Variants in FOXP1 observed in about 807,000 individuals in gnomAD.
FOXP1 encodes forkhead box protein P1.
Under a neutral mutation model 98.2 loss-of-function variants are expected in FOXP1, and 15 were observed. The ratio of observed to expected loss-of-function variants is 0.15; its 90% CI spans 0.10 to 0.24. The LOEUF (loss-of-function observed/expected upper bound fraction) is 0.24. FOXP1 is among the 10% of genes least tolerant of loss of function. The pLI, the probability that FOXP1 is intolerant of heterozygous loss-of-function variation, is 1.00. For synonymous variants in FOXP1, 371 were observed against 314.5 expected (o/e 1.18, Z -1.90); for missense variants, 633 against 848.5 (o/e 0.75, Z 3.15).
chr3:71,155,377 TAAC>T (rs1011903412), intron 6 of FOXP1, among the ~76,000 whole-genome samples: 29 of 152,206 alleles, frequency 1.9e-4, no homozygotes, highest in African/African-American at 6.0e-4. Context: ...TGGTAAAAGA[TAAC>T]AAGTAAAATT....
chr3:71,522,023 A>G (rs2043031012), intron 2 of FOXP1, among the ~76,000 whole-genome samples: 1 of 132,382 alleles, frequency 7.6e-6, no homozygotes, highest in Non-Finnish European at 1.8e-5. Context: ...ACAGCAAGAA[A>G]TGGTGCCAGT....
chr3:71,335,622 T>C (rs1347537128), intron 4 of FOXP1, among the ~76,000 whole-genome samples: 1 of 152,216 alleles, frequency 6.6e-6, no homozygotes, highest in Non-Finnish European at 1.5e-5. Flanking sequence ...GGAGCACTGT[T>C]AGCGCTAAGA....
chr3:71,583,147 A>C (rs1022526396), intron 1 of FOXP1, among the ~76,000 whole-genome samples: 33 of 151,968 alleles, frequency 2.2e-4, no homozygotes, highest in Non-Finnish European at 2.9e-5. Flanking sequence ...GCCTGGGCTT[A>C]TTGATTTCTC....
chr3:71,041,594 C>T (rs1314349152), intron 10 of FOXP1, 62 bp from the exon 11 acceptor site: 1 of 1,490,324 alleles, frequency 6.7e-7, no homozygotes, highest in Non-Finnish European at 9.3e-7. Flanking sequence ...CTTCAAACAG[C>T]AATTAAATCA....
At chr3:71,247,792 C>CCATA (rs1179664400) in intron 5 of FOXP1, among the ~76,000 whole-genome samples, 1 of 152,172 alleles carries the variant, frequency 6.6e-6, no homozygotes, top group African/African-American at 2.4e-5. Context: ...GAGGGTGGAG[C>CCATA]CATAACCCAA....
At chr3:71,316,385 G>A (rs2075075544) in intron 4 of FOXP1, among the ~76,000 whole-genome samples, 1 of 152,118 alleles carries the variant, frequency 6.6e-6, no homozygotes, top group Admixed American at 6.5e-5. Flanking sequence ...CAGCTGTGCT[G>A]TACCTGTGAA....
chr3:71,085,949 T>C (rs181412312), intron 7 of FOXP1, among the ~76,000 whole-genome samples: 2 of 151,528 alleles, frequency 1.3e-5, no homozygotes, highest in African/African-American at 2.4e-5. Context: ...AGGATGGCCT[T>C]GATCTCTTGA....
intron 3 of FOXP1, among the ~76,000 whole-genome samples, chr3:71,410,191 T>G (rs2108266943): frequency 6.6e-6 from 1 of 152,344 alleles, no homozygotes; most frequent in African/African-American, 2.4e-5. Context: ...CAGTGCCTGG[T>G]ATAAGCTAAT....
At chr3:71,236,181 T>C (rs758715552) in intron 5 of FOXP1, among the ~76,000 whole-genome samples, 161 of 152,314 alleles carry the variant, frequency 1.1e-3, no homozygotes, top group Middle Eastern at 3.4e-3. Flanking sequence ...GGGTATAGAA[T>C]AGAAACATTT....
At chr3:71,389,077 T>A (rs2080823168) in intron 3 of FOXP1, among the ~76,000 whole-genome samples, 1 of 151,846 alleles carries the variant, frequency 6.6e-6, no homozygotes, top group Non-Finnish European at 1.5e-5. Context: ...CCAAAAAAAA[T>A]TTAGTATTTG....
intron 6 of FOXP1, among the ~76,000 whole-genome samples, chr3:71,127,493 G>A (rs368294042): frequency 2.6e-5 from 4 of 152,190 alleles, no homozygotes; most frequent in African/African-American, 7.2e-5. Flanking sequence ...AATAAAGAAC[G>A]ATTAGTCTTC....
At position 71,135,438 on chromosome 3, in the gene FOXP1, C is replaced by G. The variant is rs186239693; in HGVS notation, c.181-22801G>C. 3.9e-3 allele frequency among the ~76,000 whole-genome samples: 592 copies of G among 152,098 alleles called. 4 individuals are homozygous for G. Among genetic ancestry groups the G allele is most frequent in the African/African-American group, 0.013 (559 of 41,468 alleles). ...GAGGAAAAAAGTAAACAGGCCCCTACCCCCTACTCCCAAAATAGTTCCCCT... is the reference window on the plus strand; with the variant it reads ...GAGGAAAAAAGTAAACAGGCCCCTAGCCCCTACTCCCAAAATAGTTCCCCT... On this transcript the variant is annotated intron_variant, in intron 6 of 20. Coordinates refer to ENST00000649528, the MANE Select transcript of FOXP1 (RefSeq NM_001349338.3).
chr3:71,475,685 A>G (rs970722503), intron 3 of FOXP1, among the ~76,000 whole-genome samples: 1 of 152,006 alleles, frequency 6.6e-6, no homozygotes, highest in African/African-American at 2.4e-5. Context: ...TCTACTAATA[A>G]TACAAAAATT....
At chr3:71,344,567 T>A (rs2077207543) in intron 4 of FOXP1, among the ~76,000 whole-genome samples, 1 of 152,238 alleles carries the variant, frequency 6.6e-6, no homozygotes. Context: ...CTGGGTACTG[T>A]GGCTCACGCC....
At chr3:71,181,222 C>T (rs767572613) in intron 6 of FOXP1, among the ~76,000 whole-genome samples, 1 of 152,130 alleles carries the variant, frequency 6.6e-6, no homozygotes, top group Non-Finnish European at 1.5e-5. Flanking sequence ...AAAAATGGAA[C>T]GGTTCTAAGA....
intron 5 of FOXP1, among the ~76,000 whole-genome samples, chr3:71,206,360 T>C (rs1018933640): frequency 6.6e-6 from 1 of 152,208 alleles, no homozygotes; most frequent in African/African-American, 2.4e-5. Flanking sequence ...AGTAGGATGA[T>C]CTCATTAAAC....
chr3:71,312,551 C>T (rs1207513197), intron 4 of FOXP1, among the ~76,000 whole-genome samples: 1 of 152,200 alleles, frequency 6.6e-6, no homozygotes, highest in African/African-American at 2.4e-5. Flanking sequence ...AAGCTAGGCT[C>T]AGTGGCTCAC....
At chr3:71,241,808 A>G (rs896319910) in intron 5 of FOXP1, among the ~76,000 whole-genome samples, 5 of 152,210 alleles carry the variant, frequency 3.3e-5, no homozygotes, top group Non-Finnish European at 4.4e-5. Context: ...TTAGCATATC[A>G]AAGTGATTGG....
chr3:71,212,386 G>A (rs1011485821), intron 5 of FOXP1, among the ~76,000 whole-genome samples: 2 of 152,126 alleles, frequency 1.3e-5, no homozygotes, highest in African/African-American at 2.4e-5. Flanking sequence ...CACAAAGCAC[G>A]TACTGAGGGG....
Sources: allele counts gnomAD v4.1 joint callset (sites outside exome capture counted in the v4.1 genomes callset), GRCh38; gene constraint gnomAD v4.1.1; transcripts MANE v1.5; gene names NCBI Gene and HGNC (gene_info 2026-07-23, HGNC 2026-07-21).